Variants in PTPRD observed in about 807,000 individuals in gnomAD.
PTPRD encodes the protein receptor-type tyrosine-protein phosphatase delta.
A neutral mutation model predicts 214.5 loss-of-function variants in PTPRD; 34 were observed. The ratio of observed to expected loss-of-function variants is 0.16; its 90% CI spans 0.12 to 0.21. PTPRD has a LOEUF of 0.21. Among genes scored for constraint, PTPRD ranks in the 10% least tolerant of loss-of-function variants. PTPRD has a pLI of 1.00. For synonymous variants in PTPRD, 1,128 were observed against 845.7 expected (o/e 1.33, Z -5.79); for missense variants, 2,545 against 2,398.7 (o/e 1.06, Z -1.27).
chr9:10,377,037 C>A (rs895116041), intron 2 of PTPRD, among the ~76,000 whole-genome samples: 1 of 151,846 alleles, frequency 6.6e-6, no homozygotes, highest in South Asian at 2.1e-4. Flanking sequence ...AACCATCCCC[C>A]CCTTCCACCC....
At chr9:8,346,560 G>C (rs998099399) in intron 39 of PTPRD, among the ~76,000 whole-genome samples, 6 of 152,098 alleles carry the variant, frequency 3.9e-5, no homozygotes, top group African/African-American at 1.4e-4. Context: ...CCCAGGGTGT[G>C]AATCAATCCC....
intron 2 of PTPRD, among the ~76,000 whole-genome samples, chr9:10,454,566 C>T (rs2098890306): frequency 6.6e-6 from 1 of 151,618 alleles, no homozygotes; most frequent in African/African-American, 2.4e-5. Flanking sequence ...AGATACAAAC[C>T]ATTACCTAGC....
chr9:10,321,232 G>T (rs2096546979), intron 3 of PTPRD, among the ~76,000 whole-genome samples: 1 of 152,040 alleles, frequency 6.6e-6, no homozygotes. Flanking sequence ...GAGAACTGCT[G>T]TAAGAGAGTG....
chr9:9,339,022 T>A (rs2045715100), intron 9 of PTPRD, among the ~76,000 whole-genome samples: 1 of 152,122 alleles, frequency 6.6e-6, no homozygotes, highest in African/African-American at 2.4e-5. Context: ...TAACGACAAA[T>A]GGTCATATCC....
chr9:9,442,155 A>T (rs2088231264), intron 8 of PTPRD: 1 of 152,158 alleles, frequency 6.6e-6, no homozygotes, highest in Non-Finnish European at 1.5e-5. Context: ...GTAGTGCGCT[A>T]TGCCGATCGG....
rs757286629 is a variant in PTPRD at position 9,961,659 on chromosome 9, A to G, written c.-471-23049T>C. ...GGAAATGTTATGACAGAGTGTGGGA[A>G]GCAGGATGCTGGCAACACTGAGTGC... On this transcript the variant is annotated intron_variant, in intron 4 of 45. Transcript: ENST00000381196. Among the ~76,000 whole-genome samples, 17 of 152,266 alleles carry G rather than the reference A, an allele frequency of 1.1e-4. No homozygotes were observed. The Middle Eastern group carries it at 0.014, about 122-fold the overall frequency.
intron 3 of PTPRD, among the ~76,000 whole-genome samples, chr9:10,219,392 T>A (rs1426338127): frequency 6.6e-6 from 1 of 151,892 alleles, no homozygotes; most frequent in Non-Finnish European, 1.5e-5. Context: ...TCTGTCAAGA[T>A]TCTTTTTCCA....
At chr9:9,588,179 G>A (rs1356112245) in intron 7 of PTPRD, among the ~76,000 whole-genome samples, 1 of 151,686 alleles carries the variant, frequency 6.6e-6, no homozygotes, top group African/African-American at 2.4e-5. Flanking sequence ...GGACCTGCAA[G>A]GATTTTAACC....
At chr9:10,507,314 G>C (rs913359184) in intron 2 of PTPRD, among the ~76,000 whole-genome samples, 12 of 151,964 alleles carry the variant, frequency 7.9e-5, no homozygotes, top group Non-Finnish European at 1.3e-4. Context: ...AAAACAAATG[G>C]AAGAACATTC....
At chr9:9,419,584 A>T (rs2078052437) in intron 8 of PTPRD, among the ~76,000 whole-genome samples, 1 of 151,752 alleles carries the variant, frequency 6.6e-6, no homozygotes, top group Non-Finnish European at 1.5e-5. Context: ...TTGTTTATAA[A>T]CTTTAACAGA....
At chr9:8,412,210 C>A (rs1416661348) in intron 35 of PTPRD, among the ~76,000 whole-genome samples, 1 of 152,022 alleles carries the variant, frequency 6.6e-6, no homozygotes, top group African/African-American at 2.4e-5. Flanking sequence ...AGTTTGAGTC[C>A]AGCCTGGGCA....
chr9:8,432,691 C>T (rs959176765), intron 35 of PTPRD, among the ~76,000 whole-genome samples: 2 of 152,126 alleles, frequency 1.3e-5, no homozygotes, highest in Non-Finnish European at 2.9e-5. Context: ...AATTTTTCCC[C>T]ACAAAATGTT....
intron 9 of PTPRD, among the ~76,000 whole-genome samples, chr9:9,346,624 CTA>C (rs1375148618): frequency 1.3e-5 from 2 of 151,954 alleles, no homozygotes; most frequent in Non-Finnish European, 2.9e-5. Context: ...CTCTATAACT[CTA>C]TGTTTTTGAA....
Position 8,709,486 on chromosome 9 carries a change from G to C in PTPRD, c.64+24294C>G, listed in dbSNP as rs2098280692. ...GCCAAGATCACATCACTGCACTCCA[G>C]CCTGGGAGACAGAGTGAGACTCCAT... On this transcript the variant is annotated intron_variant, in intron 12 of 45. Transcript: ENST00000381196. Among the ~76,000 whole-genome samples the C allele has an allele frequency of 2.1e-5, 3 of 142,190 alleles. No individual in the cohort carries two copies. In the Admixed American group the frequency reaches 2.2e-4, roughly 11 times the overall value. The allele number at this position is 142,190 out of a possible 152,430, so 93.3% of individuals were successfully genotyped here.
At chr9:9,533,987 TA>T (rs1174075144) in intron 8 of PTPRD, among the ~76,000 whole-genome samples, 1 of 152,028 alleles carries the variant, frequency 6.6e-6, no homozygotes, top group Non-Finnish European at 1.5e-5. Context: ...AAAAATATGT[TA>T]AAATTGCTAA....
chr9:8,373,637 G>A (rs927479332), intron 39 of PTPRD, among the ~76,000 whole-genome samples: 2 of 149,696 alleles, frequency 1.3e-5, no homozygotes, highest in East Asian at 2.0e-4. Context: ...GTGTGTGTGT[G>A]TGTGTGTGTG....
chr9:10,585,706 C>T (rs1472527005), intron 2 of PTPRD, among the ~76,000 whole-genome samples: 1 of 103,084 alleles, frequency 9.7e-6, no homozygotes, highest in Non-Finnish European at 1.9e-5. Context: ...AAATAGTATA[C>T]ATACACACAC....
At chr9:8,830,380 ATT>A (rs1175558587) in intron 11 of PTPRD, among the ~76,000 whole-genome samples, 1 of 152,170 alleles carries the variant, frequency 6.6e-6, no homozygotes, top group East Asian at 1.9e-4. Context: ...TATGAGATAA[ATT>A]TTATAGAAAT....
chr9:10,093,367 A>G (rs949813286), intron 3 of PTPRD, among the ~76,000 whole-genome samples: 2 of 151,588 alleles, frequency 1.3e-5, no homozygotes, highest in African/African-American at 4.8e-5. Context: ...GAATTATCAG[A>G]GAAATGCAAA....
Sources: gnomAD v4.1 joint callset for allele counts (sites outside exome capture counted in the v4.1 genomes callset) on GRCh38, gnomAD v4.1.1 for gene constraint, MANE v1.5 for transcripts, NCBI Gene and HGNC (gene_info 2026-07-23, HGNC 2026-07-21) for gene names.